The following NRP1 variants were observed in gnomAD, a reference collection of about 807,000 sequenced individuals.
NRP1 encodes neuropilin-1.
In NRP1, 35 loss-of-function variants were observed where a neutral mutation model predicts 106.7. The ratio of observed to expected loss-of-function variants is 0.33; its 90% confidence interval spans 0.25 to 0.43. The LOEUF (loss-of-function observed/expected upper bound fraction) is 0.43, where lower values mean the gene tolerates loss of function less well. NRP1 is among the 20% of genes least tolerant of loss of function. The pLI is 1.00. For synonymous variants in NRP1, 437 were observed against 417.9 expected, an observed-to-expected ratio of 1.05 and a Z score of -0.56; for missense variants, 1,024 against 1,170.4, an observed-to-expected ratio of 0.87 and a Z score of 1.83.
At chr10:33,191,736 T>G (rs555891597) in intron 13 of NRP1, among the ~76,000 whole-genome samples, 1 of 152,038 alleles carries the variant, frequency 6.6e-6, no homozygotes, top group Non-Finnish European at 1.5e-5. Flanking sequence ...CCCAGCACTT[T>G]GGGAAGCTGA....
At chr10:33,180,421 C>A in intron 16 of NRP1, 56 bp from the exon 17 acceptor site, 1 of 1,495,062 alleles carries the variant, frequency 6.7e-7, no homozygotes, top group Non-Finnish European at 9.0e-7. Context: ...CAGATGAAAG[C>A]AGACAGAAAA....
At chr10:33,310,618 C>T (rs1208966099) in intron 2 of NRP1, among the ~76,000 whole-genome samples, 1 of 152,100 alleles carries the variant, frequency 6.6e-6, no homozygotes, top group Non-Finnish European at 1.5e-5. Flanking sequence ...ACATTTGTAT[C>T]ATCATTAACA....
chr10:33,276,810 G>A (rs1843730574), intron 2 of NRP1, among the ~76,000 whole-genome samples: 1 of 152,038 alleles, frequency 6.6e-6, no homozygotes, highest in African/African-American at 2.4e-5. Context: ...AGAGCATCTT[G>A]GTGTGGACAA....
chr10:33,216,361 C>T (rs933343572), intron 8 of NRP1, among the ~76,000 whole-genome samples: 4 of 152,094 alleles, frequency 2.6e-5, no homozygotes, highest in Non-Finnish European at 4.4e-5. Flanking sequence ...TGGTCTCGAT[C>T]TCCTGACCTC....
intron 2 of NRP1, among the ~76,000 whole-genome samples, chr10:33,297,673 C>T (rs111961133): frequency 6.9e-5 from 9 of 130,570 alleles, no homozygotes; most frequent in African/African-American, 1.5e-4. Flanking sequence ...GGAGACAGAG[C>T]GAGACTTTGT....
intron 2 of NRP1, among the ~76,000 whole-genome samples, chr10:33,292,282 A>G (rs1358318838): frequency 6.6e-6 from 1 of 152,088 alleles, no homozygotes; most frequent in Non-Finnish European, 1.5e-5. Flanking sequence ...AGGTTTTCCC[A>G]CTTGTATCGA....
chr10:33,274,670 T>C (rs1323358436), intron 2 of NRP1, among the ~76,000 whole-genome samples: 1 of 152,120 alleles, frequency 6.6e-6, no homozygotes, highest in African/African-American at 2.4e-5. Context: ...CTCCACAGGG[T>C]GTTGTCTGAC....
intron 2 of NRP1, among the ~76,000 whole-genome samples, chr10:33,301,544 T>C (rs959474039): frequency 6.6e-6 from 1 of 152,132 alleles, no homozygotes; most frequent in Non-Finnish European, 1.5e-5. Context: ...AGTACAATGA[T>C]AAAACATGTT....
intron 6 of NRP1, among the ~76,000 whole-genome samples, chr10:33,245,907 T>A (rs1346839986): frequency 6.6e-6 from 1 of 152,152 alleles, no homozygotes; most frequent in Admixed American, 6.5e-5. Context: ...GCTACACAGG[T>A]AATTTATTTG....
intron 4 of NRP1, 105 bp downstream of exon 4, chr10:33,263,541 T>G: frequency 1.3e-6 from 1 of 763,704 alleles, no homozygotes; most frequent in Non-Finnish European, 2.1e-6. Context: ...CCAGTGTCCT[T>G]TTGAGGTTTT....
chr10:33,187,642 C>CT (rs1185985783), intron 13 of NRP1, among the ~76,000 whole-genome samples: 123 of 152,292 alleles, frequency 8.1e-4, no homozygotes, highest in Admixed American at 4.2e-3. Context: ...ACCACCTGGT[C>CT]AACACAGCTC....
At chr10:33,312,938 C>G (rs1008244534) in intron 2 of NRP1, among the ~76,000 whole-genome samples, 1 of 152,162 alleles carries the variant, frequency 6.6e-6, no homozygotes, top group African/African-American at 2.4e-5. Flanking sequence ...ATCAATTGCA[C>G]TTAAAGCACA....
chr10:33,272,694 T>A (rs1227788222), intron 2 of NRP1, among the ~76,000 whole-genome samples: 1 of 152,222 alleles, frequency 6.6e-6, no homozygotes, highest in Non-Finnish European at 1.5e-5. Context: ...ACTGCTTCAT[T>A]GACAAGGCAG....
At chr10:33,267,334 C>T (rs1402393975) in intron 3 of NRP1, among the ~76,000 whole-genome samples, 1 of 152,066 alleles carries the variant, frequency 6.6e-6, no homozygotes, top group Non-Finnish European at 1.5e-5. Flanking sequence ...GGCCAACAGC[C>T]CTGGGTGCCT....
At chr10:33,245,873 C>T (rs376403904) in intron 6 of NRP1, among the ~76,000 whole-genome samples, 9 of 152,232 alleles carry the variant, frequency 5.9e-5, no homozygotes, top group African/African-American at 2.2e-4. Context: ...GAAACCAAAA[C>T]TGTAAGTAAA....
intron 3 of NRP1, among the ~76,000 whole-genome samples, chr10:33,268,669 C>T (rs560120310): frequency 2.6e-5 from 4 of 152,188 alleles, no homozygotes; most frequent in Non-Finnish European, 5.9e-5. Flanking sequence ...CTATTCCTAG[C>T]CCCTTTTCTG....
chr10:33,209,713 G>A (rs1838136129), intron 9 of NRP1, among the ~76,000 whole-genome samples: 1 of 152,218 alleles, frequency 6.6e-6, no homozygotes, highest in South Asian at 2.1e-4. Flanking sequence ...CTGACCTCAG[G>A]TGATATGCCC....
At chr10:33,279,479 C>T (rs1843952751) in intron 2 of NRP1, among the ~76,000 whole-genome samples, 1 of 152,248 alleles carries the variant, frequency 6.6e-6, no homozygotes, top group Non-Finnish European at 1.5e-5. Context: ...ATCTCCCTAG[C>T]ATCACATTCT....
intron 5 of NRP1, 111 bp downstream of exon 5, chr10:33,256,205 G>T (rs564391513): frequency 2.0e-6 from 2 of 1,001,404 alleles, no homozygotes; most frequent in South Asian, 1.7e-5. Context: ...CAGACAGCTG[G>T]CACCCCAGTT....
Sources: allele counts gnomAD v4.1 joint callset (sites outside exome capture counted in the v4.1 genomes callset), GRCh38; gene constraint gnomAD v4.1.1; transcripts MANE v1.5; gene names NCBI Gene and HGNC (gene_info 2026-07-23, HGNC 2026-07-21).